DAP3: variants seen among roughly 807,000 people sequenced by gnomAD.
DAP3 encodes the protein small ribosomal subunit protein mS29.
In DAP3, 28 loss-of-function variants were observed where a neutral mutation model predicts 51.9. That is an observed-to-expected ratio of 0.54 (90% CI 0.40 to 0.74). DAP3 has a LOEUF of 0.74. Ranked by LOEUF, DAP3 falls within the 30% of genes least tolerant of loss-of-function variation. The probability of loss-of-function intolerance (pLI) is 0.00; values close to 1 mark genes in which losing one functional copy is unlikely to be tolerated. For synonymous variants in DAP3, 170 were observed against 170.3 expected, an observed-to-expected ratio of 1.00 and a Z score of 0.01; for missense variants, 458 against 483.5, an observed-to-expected ratio of 0.95 and a Z score of 0.49.
At chr1:155,737,677 C>T (rs1471173998) in intron 12 of DAP3, among the ~76,000 whole-genome samples, 1 of 151,706 alleles carries the variant, frequency 6.6e-6, no homozygotes, top group Non-Finnish European at 1.5e-5. Context: ...CTGTAATCTA[C>T]ACTTTGGGAG....
At chr1:155,689,269 C>G (rs1300732149) in intron 1 of DAP3, 95 bp downstream of exon 1, 4 of 660,486 alleles carry the variant, frequency 6.1e-6, no homozygotes, top group Non-Finnish European at 1.1e-5. Flanking sequence ...GGTAGACCGG[C>G]GCGCCTCCGG....
intron 1 of DAP3, among the ~76,000 whole-genome samples, chr1:155,697,185 T>C (rs1425434113): frequency 6.6e-6 from 1 of 152,168 alleles, no homozygotes; most frequent in Non-Finnish European, 1.5e-5. Flanking sequence ...CTGAATTGCT[T>C]CTTCACCATA....
chr1:155,712,612 CAAAAA>C (rs61338392), intron 2 of DAP3, among the ~76,000 whole-genome samples: 4 of 55,514 alleles, frequency 7.2e-5, no homozygotes, highest in African/African-American at 2.9e-4. Flanking sequence ...AACTCCGTCT[CAAAAA>C]AAAAAAAAAA....
intron 1 of DAP3, among the ~76,000 whole-genome samples, chr1:155,706,042 T>A (rs985984831): frequency 7.9e-5 from 12 of 151,992 alleles, no homozygotes; most frequent in Non-Finnish European, 5.9e-5. Context: ...CAGATCTGAG[T>A]GTATCATGCA....
At chr1:155,717,377 C>T (rs1285915229) in intron 3 of DAP3, among the ~76,000 whole-genome samples, 4 of 152,190 alleles carry the variant, frequency 2.6e-5, no homozygotes, top group African/African-American at 7.2e-5. Flanking sequence ...CCTAGTTCCA[C>T]GGATTTTGCT....
At chr1:155,687,970 A>T, upstream of DAP3, 1 of 1,313,602 alleles carries the variant, frequency 7.6e-7, no homozygotes, top group Non-Finnish European at 1.0e-6. Flanking sequence ...GCTCTCCCAG[A>T]GGTCCAGGTC....
At chr1:155,727,109 A>G (rs930933189) in intron 6 of DAP3, 7 of 152,346 alleles carry the variant, frequency 4.6e-5, no homozygotes, top group African/African-American at 1.7e-4. Flanking sequence ...TCAGCATTCT[A>G]GAGTCGTCAG....
intron 10 of DAP3, among the ~76,000 whole-genome samples, 187 bp from the exon 11 acceptor site, chr1:155,731,757 A>C (rs576894704): frequency 6.6e-6 from 1 of 152,276 alleles, no homozygotes; most frequent in South Asian, 2.1e-4. Context: ...GGTAAATTTA[A>C]AATCAGGTAG....
chr1:155,708,538 T>C (rs1169263103), intron 1 of DAP3, among the ~76,000 whole-genome samples: 23 of 141,056 alleles, frequency 1.6e-4, no homozygotes, highest in Admixed American at 1.5e-3. Context: ...TTTTCTGTTT[T>C]TGTTTTTTTT....
intron 1 of DAP3, among the ~76,000 whole-genome samples, chr1:155,701,058 G>C (rs972348098): frequency 7.4e-6 from 1 of 135,246 alleles, no homozygotes; most frequent in Non-Finnish European, 1.5e-5. Context: ...AGGTGGGGGG[G>C]GGTCAGCCCC....
At chr1:155,728,622 G>C (rs1658857876) in intron 7 of DAP3, among the ~76,000 whole-genome samples, 1 of 151,936 alleles carries the variant, frequency 6.6e-6, no homozygotes, top group African/African-American at 2.4e-5. Context: ...CATTTTGGGA[G>C]GCCGAGGTGG....
chr1:155,722,745 C>G lies in DAP3; in HGVS notation c.270+1127C>G, dbSNP rs1199621283. Among the ~76,000 whole-genome samples, 4 of 152,266 alleles carry G rather than the reference C, an allele frequency of 2.6e-5. No individual in the cohort carries two copies. The South Asian group carries it at 8.3e-4, about 32-fold the overall frequency. On this transcript the variant is annotated intron_variant, in intron 4 of 12. Transcript: ENST00000368336. ...GCCCAGGAGTTCAGGCTGCAGTGAG[C>G]TACGATAGTGCCACGGCACTCCAAC... is the stretch of plus-strand genomic sequence containing the variant.
At chr1:155,700,603 C>A (rs1655095360) in intron 1 of DAP3, among the ~76,000 whole-genome samples, 1 of 146,742 alleles carries the variant, frequency 6.8e-6, no homozygotes, top group African/African-American at 2.5e-5. Flanking sequence ...GCCGCCCCGT[C>A]CGGGAGGTGA....
At chr1:155,730,106 A>G (rs917509858) in intron 9 of DAP3, among the ~76,000 whole-genome samples, 2 of 137,232 alleles carry the variant, frequency 1.5e-5, no homozygotes, top group African/African-American at 6.5e-5. Context: ...ATACACACAT[A>G]TATTCATATA....
chr1:155,699,823 C>A (rs1029404518), intron 1 of DAP3, among the ~76,000 whole-genome samples: 1 of 152,118 alleles, frequency 6.6e-6, no homozygotes, highest in Non-Finnish European at 1.5e-5. Context: ...ATTATGTTGC[C>A]CAGGCTGGTC....
At chr1:155,720,604 C>T (rs996724485) in intron 3 of DAP3, among the ~76,000 whole-genome samples, 13 of 151,180 alleles carry the variant, frequency 8.6e-5, no homozygotes, top group South Asian at 2.1e-4. Flanking sequence ...GCCAAGATCG[C>T]GCCATTACAC....
At chr1:155,731,809 T>C in intron 10 of DAP3, 135 bp from the exon 11 acceptor site, 1 of 774,408 alleles carries the variant, frequency 1.3e-6, no homozygotes, top group Non-Finnish European at 2.0e-6. Context: ...CCAATTTAGT[T>C]GCCATTTAAC....
At chr1:155,688,323 GGCGGCA>G, upstream of DAP3, 1 of 1,548,834 alleles carries the variant, frequency 6.5e-7, no homozygotes, top group Non-Finnish European at 8.7e-7. Flanking sequence ...CCAAAATGGC[GGCGGCA>G]GCGGCGGCAG....
chr1:155,703,997 T>C (rs1655649996), intron 1 of DAP3, among the ~76,000 whole-genome samples: 5 of 152,070 alleles, frequency 3.3e-5, no homozygotes, highest in Admixed American at 3.3e-4. Context: ...AAATAAAAAA[T>C]TAGCCACCAG....
Sources: allele counts gnomAD v4.1 joint callset (sites outside exome capture counted in the v4.1 genomes callset), GRCh38; gene constraint gnomAD v4.1.1; transcripts MANE v1.5; gene names NCBI Gene and HGNC (gene_info 2026-07-23, HGNC 2026-07-21).